Variants in ZFP62 observed in about 807,000 individuals in gnomAD.
ZFP62 encodes the protein ZFP62 zinc finger protein.
ZFP62 carries 44 observed loss-of-function variants against 56.4 expected under a neutral mutation model. The ratio of observed to expected loss-of-function variants is 0.78; its 90% CI spans 0.61 to 1.00. ZFP62 has a LOEUF of 1.00. Among genes scored for constraint, ZFP62 ranks in the 50% least tolerant of loss-of-function variants. The probability of loss-of-function intolerance (pLI) is 0.00; values close to 1 mark genes in which losing one functional copy is unlikely to be tolerated. For synonymous variants in ZFP62, 421 were observed against 388.9 expected, an observed-to-expected ratio of 1.08 and a Z score of -0.97; for missense variants, 1,030 against 1,085.7, an observed-to-expected ratio of 0.95 and a Z score of 0.72.
chr5:180,860,904 C>T (rs1457192857), intron 1 of ZFP62, among the ~76,000 whole-genome samples: 1 of 152,164 alleles, frequency 6.6e-6, no homozygotes, highest in Non-Finnish European at 1.5e-5. Context: ...TGAGGAACAC[C>T]GGAGCGGGGC....
chr5:180,833,153 A>G, the ZFP62 span, among the ~76,000 whole-genome samples: 2 of 152,182 alleles, frequency 1.3e-5, no homozygotes, highest in Non-Finnish European at 2.9e-5. Context: ...TTTGGGAGGT[A>G]ATTAGGTCAT....
chr5:180,851,388 T>C lies in ZFP62; in HGVS notation c.107A>G (p.Glu36Gly). Residue 36 changes from glutamate to glycine, a missense_variant, in exon 2 of 2, where the codon GAA becomes GGA. Glu to Gly is a moderately conservative substitution (Grantham distance 98, BLOSUM62 -2). Transcript: ENST00000502412. ...KWPKVEDPMP[E>G]SKVGDTCVWD... Reference sequence around the variant, plus strand: ...AACACATGTGTCACCAACCTTAGATTCAGGCATAGGATCCTCCACTTTTGG... The same window carrying C: ...AACACATGTGTCACCAACCTTAGATCCAGGCATAGGATCCTCCACTTTTGG... 1 of 1,551,708 alleles carries C rather than the reference T, an allele frequency of 6.4e-7. No homozygotes were observed. The highest frequency in any genetic ancestry group is 1.2e-5 in the South Asian group (1 of 84,064).
At chr5:180,843,550 A>C (rs1482237987), downstream of ZFP62, among the ~76,000 whole-genome samples, 1 of 152,216 alleles carries the variant, frequency 6.6e-6, no homozygotes, top group Admixed American at 6.5e-5. Context: ...TAATACCAGA[A>C]AAAAAGAGAC....
At chr5:180,846,387 A>C (rs1773411803), downstream of ZFP62, among the ~76,000 whole-genome samples, 1 of 152,186 alleles carries the variant, frequency 6.6e-6, no homozygotes, top group South Asian at 2.1e-4. Context: ...CAAGTACGGG[A>C]GCTCTCCTGT....
intron 1 of ZFP62, 140 bp from the exon 2 acceptor site, chr5:180,851,633 C>T (rs541461057): frequency 1.2e-4 from 126 of 1,044,202 alleles, no homozygotes; most frequent in African/African-American, 9.5e-4. Flanking sequence ...TGCCATGTAC[C>T]GGTTTTTAAG....
chr5:180,856,624 G>C (rs1172774277), intron 1 of ZFP62, among the ~76,000 whole-genome samples: 1 of 152,176 alleles, frequency 6.6e-6, no homozygotes, highest in Non-Finnish European at 1.5e-5. Flanking sequence ...CTGCAGACTA[G>C]TAGGAGAGTC....
chr5:180,853,366 G>A (rs1019874190), intron 1 of ZFP62, among the ~76,000 whole-genome samples: 2 of 152,192 alleles, frequency 1.3e-5, no homozygotes, highest in South Asian at 2.1e-4. Flanking sequence ...AAACAAGCAC[G>A]TATGTGTTTC....
At chr5:180,841,979 G>C in the ZFP62 span, among the ~76,000 whole-genome samples, 1 of 152,214 alleles carries the variant, frequency 6.6e-6, no homozygotes, top group Non-Finnish European at 1.5e-5. Flanking sequence ...CTGGAAGGCA[G>C]AGGTTGCTGT....
At chr5:180,829,996 G>C in the ZFP62 span, 1 of 152,002 alleles carries the variant, frequency 6.6e-6, no homozygotes, top group Admixed American at 6.6e-5. Flanking sequence ...GAAGTCACTG[G>C]GTTGTCCCCA....
Position 180,849,895 on chromosome 5 carries a change from C to CA in ZFP62, c.1599dup (p.Gly534TrpfsTer3). ...AAAGCTTTACCACACTCATCACACC[C>CA]AAAGGGTTTTTCCCTGGTATGAATC... is the stretch of plus-strand genomic sequence containing the variant. On this transcript the variant is annotated frameshift_variant, in exon 2 of 2. Coordinates refer to ENST00000502412, the MANE Select transcript of ZFP62 (RefSeq NM_001172638.2). LOFTEE classifies it high-confidence loss of function. 1.3e-6 allele frequency: 2 copies of CA among 1,551,598 alleles called. No individual in the cohort carries two copies. The highest frequency in any genetic ancestry group is 1.7e-6 in the Non-Finnish European group (2 of 1,146,982).
chr5:180,840,268 C>T, the ZFP62 span, among the ~76,000 whole-genome samples: 17 of 152,300 alleles, frequency 1.1e-4, no homozygotes, highest in East Asian at 2.7e-3. Flanking sequence ...CTCCTAAATG[C>T]ACTGGCCGTG....
In ZFP62 at chr5:180,850,499, A is replaced by G. The variant is rs1773636276; in HGVS notation, c.996T>C (p.Phe332=). The G allele has an allele frequency of 1.3e-6, 2 of 1,552,628 alleles. No homozygotes were observed. The highest frequency in any genetic ancestry group is 2.0e-5 in the Admixed American group (1 of 51,000). ...CATCACATTTATAGGGTTTATCTCC[A>G]AAGTGGATGCTTTTATGGTTGAGAA... ...RTLLNHKSIH[F]GDKPYKCDEC... The change falls in exon 2 of 2, where the codon TTT becomes TTC. Residue 332 remains phenylalanine, a synonymous_variant. Transcript: ENST00000502412.
At chr5:180,858,013 G>C (rs902562778) in intron 1 of ZFP62, among the ~76,000 whole-genome samples, 6 of 151,306 alleles carry the variant, frequency 4.0e-5, no homozygotes, top group Admixed American at 3.3e-4. Context: ...AGCTCTTTCG[G>C]AGGCCGAGGC....
rs1773709788 is a variant in ZFP62, at chr5:180,851,466, T to A, written c.29A>T (p.Asp10Val). The change falls in exon 2 of 2, where the codon GAT (aspartate) becomes GTT (valine). Residue 10 changes from aspartate to valine, a missense_variant. Transcript: ENST00000502412. MSHLKTSTE[D>V]EEPTEEYENV... is the part of the protein sequence containing the mutation. The stretch of plus-strand genomic sequence containing the variant: ...TTCATATTCTTCAGTTGGTTCCTCA[T>A]CCTCAGTGCTCGTCTTCAAATGTGA... The A allele has an allele frequency of 3.2e-6, 5 of 1,548,502 alleles. No homozygotes were observed. Among genetic ancestry groups the A allele is most frequent in the Non-Finnish European group, 4.4e-6 (5 of 1,145,152 alleles).
chr5:180,860,184 G>C (rs897863162), intron 1 of ZFP62, among the ~76,000 whole-genome samples: 4 of 152,200 alleles, frequency 2.6e-5, no homozygotes, highest in Admixed American at 1.3e-4. Flanking sequence ...AGTTATATTT[G>C]CCAGTATTTG....
chr5:180,857,797 CTTT>C (rs5873717), intron 1 of ZFP62, among the ~76,000 whole-genome samples: 27 of 143,706 alleles, frequency 1.9e-4, no homozygotes, highest in Middle Eastern at 3.3e-3. Context: ...GCACCCAGAC[CTTT>C]TTTTTTTTTT....
chr5:180,840,789 T>TTGTGTGTGTGTGTGTG, the ZFP62 span, among the ~76,000 whole-genome samples: 3 of 146,562 alleles, frequency 2.0e-5, no homozygotes, highest in African/African-American at 7.6e-5. Flanking sequence ...CTAAAACAAT[T>TTGTGTGTGTGTGTGTG]TGTGTGTGTG....
chr5:180,853,686 G>A (rs958696753), intron 1 of ZFP62, among the ~76,000 whole-genome samples: 1 of 152,188 alleles, frequency 6.6e-6, no homozygotes, highest in African/African-American at 2.4e-5. Flanking sequence ...ACTTAGAAAC[G>A]TATTTGACTA....
chr5:180,855,894 G>C (rs1773942750), intron 1 of ZFP62, among the ~76,000 whole-genome samples: 1 of 152,132 alleles, frequency 6.6e-6, no homozygotes, highest in African/African-American at 2.4e-5. Flanking sequence ...TGCACACCTA[G>C]TCACTGGGCA....
Sources: gnomAD v4.1 joint callset for allele counts (sites outside exome capture counted in the v4.1 genomes callset) on GRCh38, gnomAD v4.1.1 for gene constraint, MANE v1.5 for transcripts, NCBI Gene and HGNC (gene_info 2026-07-23, HGNC 2026-07-21) for gene names.